KLHL29: variants seen among roughly 807,000 people sequenced by gnomAD.
KLHL29 encodes the protein kelch-like protein 29.
In KLHL29, 21 loss-of-function variants were observed where a neutral mutation model predicts 80.4. The observed-to-expected ratio is 0.26, with a 90% CI of 0.19 to 0.38. The LOEUF (loss-of-function observed/expected upper bound fraction) is 0.38. KLHL29 is among the 10% of genes least tolerant of loss of function. The pLI, the probability that KLHL29 is intolerant of heterozygous loss-of-function variation, is 1.00. For missense variants in KLHL29, 867 were observed against 1,223.9 expected (o/e 0.71, Z 4.35); for synonymous variants, 511 against 526.8 (o/e 0.97, Z 0.41).
chr2:23,587,760 T>G (rs147776929), intron 3 of KLHL29, among the ~76,000 whole-genome samples: 8 of 152,344 alleles, frequency 5.3e-5, no homozygotes, highest in African/African-American at 1.4e-4. Flanking sequence ...ATTAGATTCC[T>G]TTATTATCCT....
intron 1 of KLHL29, among the ~76,000 whole-genome samples, chr2:23,427,760 C>T (rs1026591102): frequency 6.6e-6 from 1 of 152,134 alleles, no homozygotes; most frequent in Non-Finnish European, 1.5e-5. Context: ...ATGTAAAATC[C>T]TGTCAGTGTA....
At position 23,680,318 on chromosome 2, in the gene KLHL29, G is replaced by C. The variant is rs964870588; in HGVS notation, c.941-4081G>C. Among the ~76,000 whole-genome samples the C allele has an allele frequency of 6.6e-6, 1 of 152,146 alleles. No individual in the cohort carries two copies. Among genetic ancestry groups the C allele is most frequent in the Non-Finnish European group, 1.5e-5 (1 of 68,022 alleles). On this transcript the variant is annotated intron_variant, in intron 5 of 13. Coordinates refer to ENST00000486442, the MANE Select transcript of KLHL29 (RefSeq NM_052920.2). This position sits in a 1 kb window ranked among gnomAD's most constrained non-coding sequence, Gnocchi z 4.1. ...AGTGGACCGTCTTCCACGGGAAGAGGAGCTCCATGCTGGGCGCTGAGTCGA... is the reference window on the plus strand; with the variant it reads ...AGTGGACCGTCTTCCACGGGAAGAGCAGCTCCATGCTGGGCGCTGAGTCGA...
chr2:23,572,159 C>T (rs1667731944), intron 3 of KLHL29, among the ~76,000 whole-genome samples: 2 of 152,190 alleles, frequency 1.3e-5, no homozygotes, highest in African/African-American at 2.4e-5. Flanking sequence ...CACACTGGTA[C>T]GTGAGCCAGG....
chr2:23,435,370 C>G (rs1304397527), intron 1 of KLHL29, among the ~76,000 whole-genome samples: 1 of 152,116 alleles, frequency 6.6e-6, no homozygotes, highest in African/African-American at 2.4e-5. Flanking sequence ...GATGGCCTGT[C>G]AAGTGGAGGC....
At chr2:23,609,563 A>G (rs561690830) in intron 3 of KLHL29, among the ~76,000 whole-genome samples, 2 of 152,178 alleles carry the variant, frequency 1.3e-5, no homozygotes, top group East Asian at 3.9e-4. Flanking sequence ...ATAGGAATCA[A>G]GGATGCCTGT....
At chr2:23,693,906 A>T (rs187964524) in intron 8 of KLHL29, among the ~76,000 whole-genome samples, 5 of 152,286 alleles carry the variant, frequency 3.3e-5, no homozygotes, top group Non-Finnish European at 7.4e-5. Context: ...ATGCAGGAAG[A>T]GGGAGAGTGA....
At chr2:23,578,915 G>T (rs1184220591) in intron 3 of KLHL29, among the ~76,000 whole-genome samples, 1 of 152,172 alleles carries the variant, frequency 6.6e-6, no homozygotes, top group African/African-American at 2.4e-5. Flanking sequence ...GTAGCACCTC[G>T]CTAATTAAAG....
intron 5 of KLHL29, among the ~76,000 whole-genome samples, chr2:23,652,737 C>T (rs1198383647): frequency 6.6e-6 from 1 of 152,218 alleles, no homozygotes; most frequent in Non-Finnish European, 1.5e-5. Context: ...CACGTTTATA[C>T]ACGCAGAGAT....
chr2:23,395,511 C>T (rs1384703370), intron 1 of KLHL29, among the ~76,000 whole-genome samples: 1 of 152,120 alleles, frequency 6.6e-6, no homozygotes, highest in Non-Finnish European at 1.5e-5. Context: ...CTTTGGGAGG[C>T]CGAGGTGGGC....
intron 1 of KLHL29, among the ~76,000 whole-genome samples, chr2:23,467,940 T>A (rs965856891): frequency 2.0e-5 from 3 of 151,416 alleles, no homozygotes; most frequent in Non-Finnish European, 4.4e-5. Context: ...TTTGGCGGGG[T>A]GGTGGAAGAG....
chr2:23,582,126 AGC>A lies in KLHL29; in HGVS notation c.285+19648_285+19649del, dbSNP rs151206774. 9.8e-3 allele frequency among the ~76,000 whole-genome samples: 1,492 copies of A among 152,326 alleles called. 26 individuals carry two copies. The highest frequency in any genetic ancestry group is 0.034 in the African/African-American group (1,411 of 41,568). On this transcript the variant is annotated intron_variant, in intron 3 of 13. Transcript: ENST00000486442. ...CAGCCTCACGCCTCCAGTGACTCCC[AGC>A]GCCAATAGTTTTCTCATCAGGGCAG...
At chr2:23,505,854 C>T (rs548031020) in intron 2 of KLHL29, among the ~76,000 whole-genome samples, 1 of 152,336 alleles carries the variant, frequency 6.6e-6, no homozygotes, top group African/African-American at 2.4e-5. Flanking sequence ...AGCCCTTCCC[C>T]TACAGGGTGG....
At position 23,411,056 on chromosome 2, in the gene KLHL29, A is replaced by G. The variant is rs181217998; in HGVS notation, c.-154+25276A>G. 5.9e-5 allele frequency among the ~76,000 whole-genome samples: 9 copies of G among 152,308 alleles called. No individual in the cohort carries two copies. The East Asian group carries it at 9.7e-4, about 16-fold the overall frequency. ...TTTAAGATCATTTATCTAATTATTC[A>G]TGTAATAAATGTTTATTAAGCACCT... On this transcript the variant is annotated intron_variant, in intron 1 of 13. Transcript: ENST00000486442.
At chr2:23,407,370 C>T (rs1477416324) in intron 1 of KLHL29, among the ~76,000 whole-genome samples, 1 of 151,800 alleles carries the variant, frequency 6.6e-6, no homozygotes, top group African/African-American at 2.4e-5. Context: ...ATCTCGTGGT[C>T]TCGGTTGCGT....
chr2:23,538,239 C>T (rs190962708), intron 2 of KLHL29, among the ~76,000 whole-genome samples: 18 of 152,258 alleles, frequency 1.2e-4, no homozygotes, highest in Non-Finnish European at 1.5e-5. Flanking sequence ...CAGCCCTTCT[C>T]AATGGATTCT....
intron 6 of KLHL29, among the ~76,000 whole-genome samples, chr2:23,687,982 C>G (rs1043401645): frequency 1.3e-4 from 20 of 152,076 alleles, no homozygotes; most frequent in African/African-American, 4.8e-4. Flanking sequence ...GGCTTGGCTG[C>G]CCCCCATGGC....
intron 1 of KLHL29, among the ~76,000 whole-genome samples, chr2:23,428,602 A>G (rs947936016): frequency 1.2e-4 from 18 of 151,552 alleles, no homozygotes; most frequent in African/African-American, 4.4e-4. Flanking sequence ...TTACCATCCT[A>G]CCCCCCGCCA....
At chr2:23,420,553 T>C (rs1662770585) in intron 1 of KLHL29, among the ~76,000 whole-genome samples, 1 of 152,164 alleles carries the variant, frequency 6.6e-6, no homozygotes, top group Admixed American at 6.5e-5. Flanking sequence ...GCCGCACCTT[T>C]CTTAGTTTTC....
At chr2:23,537,909 A>G (rs1666721020) in intron 2 of KLHL29, among the ~76,000 whole-genome samples, 2 of 152,220 alleles carry the variant, frequency 1.3e-5, no homozygotes. Context: ...CACAGCCTTC[A>G]TGACAGTAGG....
Sources: allele counts gnomAD v4.1 joint callset (sites outside exome capture counted in the v4.1 genomes callset), GRCh38; gene constraint gnomAD v4.1.1; non-coding constraint Gnocchi (gnomAD v3.1); transcripts MANE v1.5; gene names NCBI Gene and HGNC (gene_info 2026-07-23, HGNC 2026-07-21).